The following TTN variants were observed in gnomAD, a reference collection of about 807,000 sequenced individuals.
TTN encodes titin, also known as connectin.
In TTN, 1,525 loss-of-function variants were observed where a neutral mutation model predicts 3,223.0. That is an observed-to-expected ratio of 0.47 (90% CI 0.45 to 0.49). The LOEUF is 0.49. Ranked by LOEUF, TTN falls within the 20% of genes least tolerant of loss-of-function variation. TTN has a pLI of 0.00. For synonymous variants in TTN, 14,094 were observed against 15,161.0 expected, an observed-to-expected ratio of 0.93 and a Z score of 5.17; for missense variants, 40,786 against 43,424.0, an observed-to-expected ratio of 0.94 and a Z score of 5.40.
Position 178,549,613 on chromosome 2 carries a change from G to A in TTN, c.92109C>T (p.Gly30703=), listed in dbSNP as rs1478509635. 1.2e-6 allele frequency: 2 copies of A among 1,613,686 alleles called. No homozygotes were observed. The highest frequency in any genetic ancestry group is 1.7e-4 in the Middle Eastern group (1 of 6,058). Residue 30703 remains glycine, a synonymous_variant, in exon 338 of 363, where the codon GGC becomes GGT. Transcript: ENST00000589042. ...RVSAVNKFGV[G]RPLDSDPVVA... ...CCACTGGATCAGAATCAAGTGGCCT[G>A]CCAACACCAAACTTGTTAACTGCAG...
In TTN at chr2:178,676,110, G is replaced by C. The variant is rs2068034593; in HGVS notation, c.34379-115C>G. The C allele has an allele frequency of 1.1e-5, 10 of 911,390 alleles. No individual in the cohort carries two copies. In the South Asian group the frequency reaches 1.8e-4, roughly 16 times the overall value. The allele number at this position is 911,390 out of a possible 1,614,324, so 56.5% of individuals were successfully genotyped here. On this transcript the variant is annotated intron_variant, in intron 147 of 362. Transcript: ENST00000589042. Reference sequence around the variant, plus strand: ...GTTAACAGTCGCTCAAGACAGGTCTGTCATGTTAGTTGGGAGCCCAGATAT... The same window carrying C: ...GTTAACAGTCGCTCAAGACAGGTCTCTCATGTTAGTTGGGAGCCCAGATAT...
Position 178,595,772 on chromosome 2 carries a change from G to A in TTN, c.57582C>T (p.His19194=), listed in dbSNP as rs1053045105. The A allele has an allele frequency of 2.7e-5, 44 of 1,607,986 alleles. 1 individual carries two copies. Among genetic ancestry groups the A allele is most frequent in the Non-Finnish European group, 3.7e-5 (43 of 1,177,278 alleles). Residue 19194 remains histidine, a synonymous_variant, in exon 295 of 363, where the codon CAC becomes CAT. Transcript: ENST00000589042. ...PGPVGTPFLA[H]NLTNESCKLT... is the part of the protein sequence containing the mutation. The stretch of plus-strand genomic sequence containing the variant: ...GTTTGCAGGACTCATTGGTTAGGTT[G>A]TGAGCTAGGAATGGTGTTCCAACGG...
At chr2:178,795,793 C>A (rs2093738504) in intron 6 of TTN, among the ~76,000 whole-genome samples, 1 of 152,078 alleles carries the variant, frequency 6.6e-6, no homozygotes, top group South Asian at 2.1e-4. Flanking sequence ...ATTTCCAGGA[C>A]AGGGGGACAC....
chr2:178,563,133 G>A lies in TTN; in HGVS notation c.82999C>T (p.Gln27667Ter), dbSNP rs2154161170. The change falls in exon 326 of 363, where the codon CAG (glutamine) becomes TAG (stop). Residue 27667 changes from glutamine (Q) to a stop codon, truncating the protein, a stop_gained. Coordinates refer to ENST00000589042, the MANE Select transcript of TTN (RefSeq NM_001267550.2). LOFTEE classifies it high-confidence loss of function. The surrounding 1 kb of genome is among the most constrained non-coding windows in gnomAD (Gnocchi z 4.5). ...PATLPGSVVA[Q>*]ERIEPPEIEL... Reference sequence around the variant, plus strand: ...ATTTCTGGTGGCTCTATCCTCTCCTGAGCAACCACTGAGCCAGGTAGAGTT... The same window carrying A: ...ATTTCTGGTGGCTCTATCCTCTCCTAAGCAACCACTGAGCCAGGTAGAGTT... The A allele has an allele frequency of 6.2e-7, 1 of 1,613,634 alleles. No individual in the cohort carries two copies.
chr2:178,672,575 C>T, intron 153 of TTN, 60 bp downstream of exon 153: 1 of 1,604,928 alleles, frequency 6.2e-7, no homozygotes, highest in South Asian at 1.1e-5. Context: ...AGACATGAAA[C>T]ATAAAAGTCT....
At chr2:178,801,899 GA>G (rs2154359667) in intron 3 of TTN, among the ~76,000 whole-genome samples, 1 of 152,212 alleles carries the variant, frequency 6.6e-6, no homozygotes, top group African/African-American at 2.4e-5. Context: ...ACATACTTTT[GA>G]GTGTTTAATA....
Position 178,777,158 on chromosome 2 carries a change from G to C in TTN, c.4805C>G (p.Pro1602Arg). 6.2e-7 allele frequency: 1 copy of C among 1,613,990 alleles called. No homozygotes were observed. Among genetic ancestry groups the C allele is most frequent in the Non-Finnish European group, 8.5e-7 (1 of 1,179,954 alleles). Residue 1602 changes from proline to arginine, a missense_variant, in exon 27 of 363, where the codon CCC becomes CGC. Coordinates refer to ENST00000589042, the MANE Select transcript of TTN (RefSeq NM_001267550.2). ...NSDIIVPHKY[P>R]KIRIEGTKGE... ...TTATTTCCATACTTACCTGATTTTGGGATATTTATGAGGCACAATGATGTC... is the reference window on the plus strand; with the variant it reads ...TTATTTCCATACTTACCTGATTTTGCGATATTTATGAGGCACAATGATGTC...
In TTN at chr2:178,634,226, T is replaced by A; in HGVS notation, c.42415+140A>T. The A allele has an allele frequency of 6.8e-7, 1 of 1,477,760 alleles. No individual in the cohort carries two copies. Among genetic ancestry groups the A allele is most frequent in the Non-Finnish European group, 9.0e-7 (1 of 1,115,250 alleles). 91.5% of individuals were successfully genotyped at this position (1,477,760 alleles called of 1,614,324 possible). On this transcript the variant is annotated intron_variant, in intron 230 of 362. Coordinates refer to ENST00000589042, the MANE Select transcript of TTN (RefSeq NM_001267550.2). This position sits in a 1 kb window ranked among gnomAD's most constrained non-coding sequence, Gnocchi z 4.6. ...CAAATAGAGCTCCACTAAAAACAAA[T>A]TAAGGGGGGTTGTTTTGGTAACACT... is the stretch of plus-strand genomic sequence containing the variant.
chr2:178,642,176 G>T, intron 219 of TTN, 61 bp downstream of exon 219: 1 of 1,391,978 alleles, frequency 7.2e-7, no homozygotes, highest in Non-Finnish European at 9.7e-7. Context: ...CATTTTGTAA[G>T]CTTTCAAGTT....
Position 178,530,069 on chromosome 2 carries a change from C to G in TTN, c.106422G>C (p.Gly35474=), listed in dbSNP as rs779310314. Reference sequence around the variant, plus strand: ...CAGTCTTATGAATTTCTAAGAAGAACCCTCCCTTGTCTTCAGAGAGTTTAT... The same window carrying G: ...CAGTCTTATGAATTTCTAAGAAGAAGCCTCCCTTGTCTTCAGAGAGTTTAT... The part of the protein sequence containing the change: ...GKYKLSEDKG[G]FFLEIHKTDT... The change falls in exon 359 of 363, where the codon GGG becomes GGC. Residue 35474 remains glycine (G), a synonymous_variant. Coordinates refer to ENST00000589042, the MANE Select transcript of TTN (RefSeq NM_001267550.2). 1.7e-5 allele frequency: 27 copies of G among 1,611,152 alleles called. No homozygotes were observed. The highest frequency in any genetic ancestry group is 1.9e-5 in the Non-Finnish European group (22 of 1,179,170).
chr2:178,537,302 T>C, intron 355 of TTN, 40 bp downstream of exon 355: 1 of 1,525,180 alleles, frequency 6.6e-7, no homozygotes, highest in Non-Finnish European at 8.8e-7. Context: ...GATTTTTTTT[T>C]CTTTAAAAAT....
At position 178,570,904 on chromosome 2, in the gene TTN, T is replaced by A. The variant is rs758951524; in HGVS notation, c.75228A>T (p.Arg25076Ser). 2 of 1,613,596 alleles carry A rather than the reference T, an allele frequency of 1.2e-6. No individual in the cohort carries two copies. The highest frequency in any genetic ancestry group is 1.7e-5 in the Admixed American group (1 of 60,000). ...TTCGGGCTATAACCCGGAACTCATA[T>A]CTGTGATCTTCAACTAGGCCAGTTA... ...FEVTGLVEDH[R>S]YEFRVIARNA... is the part of the protein sequence containing the mutation. Residue 25076 changes from arginine to serine, a missense_variant, in exon 326 of 363, where the codon AGA (arginine) becomes AGT (serine). By Grantham distance (110) the Arg-to-Ser change is moderately radical (BLOSUM62 -1). Transcript: ENST00000589042.
intron 312 of TTN, 110 bp downstream of exon 312, chr2:178,583,494 ACAT>A: frequency 8.5e-7 from 1 of 1,171,024 alleles, no homozygotes. Flanking sequence ...TATATACAAA[ACAT>A]CATTTTAATT....
intron 115 of TTN, among the ~76,000 whole-genome samples, chr2:178,695,131 G>T (rs2073397340): frequency 6.6e-6 from 1 of 150,716 alleles, no homozygotes; most frequent in African/African-American, 2.4e-5. Context: ...AACATATTTT[G>T]GTTATATTTA....
chr2:178,727,038 A>G (rs2079458874), intron 69 of TTN, 52 bp downstream of exon 69: 1 of 1,396,372 alleles, frequency 7.2e-7, no homozygotes, highest in Non-Finnish European at 9.4e-7. Flanking sequence ...TATAATACCC[A>G]GGGGAGAAGG....
intron 226 of TTN, 83 bp downstream of exon 226, chr2:178,635,880 T>C: frequency 2.0e-6 from 3 of 1,528,356 alleles, no homozygotes; most frequent in Middle Eastern, 1.8e-4. Flanking sequence ...TTTCTGATAT[T>C]GTAATACTGG....
At position 178,573,386 on chromosome 2, in the gene TTN, T is replaced by A. The variant is rs760835469; in HGVS notation, c.72746A>T (p.Asp24249Val). The change falls in exon 326 of 363, where the codon GAT (aspartate) becomes GTT (valine). Residue 24249 changes from aspartate to valine, a missense_variant. Coordinates refer to ENST00000589042, the MANE Select transcript of TTN (RefSeq NM_001267550.2). ...ATAATTGATGATTTCACTTCCACCA[T>A]CAGAATCAGGATGTCCCCAGCAGAC... is the stretch of plus-strand genomic sequence containing the variant. ...MVVCWGHPDS[D>V]GGSEIINYIV... 6.6e-7 allele frequency: 1 copy of A among 1,524,416 alleles called. No individual in the cohort carries two copies. 94.4% of individuals were successfully genotyped at this position (1,524,416 alleles called of 1,614,324 possible). A position where few individuals can be genotyped will look rare whatever the true frequency, so the allele number is the denominator to read the frequency against.
intron 47 of TTN, chr2:178,749,223 T>C: frequency 6.2e-7 from 1 of 1,611,474 alleles, no homozygotes; most frequent in Non-Finnish European, 8.5e-7. Context: ...CTTATTTCTT[T>C]CTTAATAGTG....
rs2082043625 is a variant in TTN at position 178,739,174 on chromosome 2, CTGT to C, written c.14056_14058del (p.Thr4686del). 6.6e-7 allele frequency: 1 copy of C among 1,514,802 alleles called. No homozygotes were observed. Among genetic ancestry groups the C allele is most frequent in the African/African-American group, 1.4e-5 (1 of 71,860 alleles). The allele number at this position is 1,514,802 out of a possible 1,614,324, so 93.8% of individuals were successfully genotyped here. On this transcript the variant is annotated inframe_deletion, in exon 48 of 363. Transcript: ENST00000589042. ...ACTACAGTGAGTTTGGCTGAAGTTGCTGTTTTTCCGCTGTCATTCAAGGCCTCA... is the reference window on the plus strand; with the variant it reads ...ACTACAGTGAGTTTGGCTGAAGTTGCTTTTCCGCTGTCATTCAAGGCCTCA...
Sources: gnomAD v4.1 joint callset for allele counts (sites outside exome capture counted in the v4.1 genomes callset) on GRCh38, gnomAD v4.1.1 for gene constraint, Gnocchi (gnomAD v3.1) non-coding constraint, MANE v1.5 for transcripts, NCBI Gene and HGNC (gene_info 2026-07-23, HGNC 2026-07-21) for gene names.